ROBO2: variants seen among roughly 807,000 people sequenced by gnomAD.
The protein encoded by ROBO2 is roundabout homolog 2.
In ROBO2, 53 loss-of-function variants were observed where a neutral mutation model predicts 160.8. The observed-to-expected ratio is 0.33, with a 90% CI of 0.26 to 0.41. ROBO2 has a LOEUF of 0.41. Among genes scored for constraint, ROBO2 ranks in the 10% least tolerant of loss-of-function variants. The probability of loss-of-function intolerance (pLI) is 1.00; values close to 1 mark genes in which losing one functional copy is unlikely to be tolerated. For missense variants in ROBO2, 1,577 were observed against 1,722.4 expected (o/e 0.92, Z 1.49); for synonymous variants, 664 against 611.7 (o/e 1.09, Z -1.26).
intron 2 of ROBO2, among the ~76,000 whole-genome samples, chr3:76,915,090 AC>A (rs1289001002): frequency 6.6e-6 from 1 of 152,174 alleles, no homozygotes; most frequent in Admixed American, 6.5e-5. Context: ...CTTCTTTATA[AC>A]ATTTTCATAA....
chr3:76,030,799 G>C (rs569995736), intron 2 of ROBO2, among the ~76,000 whole-genome samples: 1 of 152,232 alleles, frequency 6.6e-6, no homozygotes, highest in African/African-American at 2.4e-5. Context: ...GTCAGGTAGC[G>C]TGATGCCTCC....
chr3:76,877,982 G>A (rs1227013613), intron 2 of ROBO2, among the ~76,000 whole-genome samples: 2 of 152,132 alleles, frequency 1.3e-5, no homozygotes, highest in Non-Finnish European at 2.9e-5. Context: ...AGGGCCACCA[G>A]ACCTATCAGA....
chr3:76,994,528 A>G (rs534717572), intron 2 of ROBO2, among the ~76,000 whole-genome samples: 1 of 152,300 alleles, frequency 6.6e-6, no homozygotes, highest in African/African-American at 2.4e-5. Context: ...TTGTCTTCTA[A>G]TTTTCTCTGA....
At chr3:77,020,801 T>C (rs1484810176) in intron 2 of ROBO2, among the ~76,000 whole-genome samples, 1 of 152,198 alleles carries the variant, frequency 6.6e-6, no homozygotes, top group Non-Finnish European at 1.5e-5. Flanking sequence ...TCTTGAATAG[T>C]AAGATATAGT....
chr3:76,676,365 G>A (rs913494487), intron 2 of ROBO2, among the ~76,000 whole-genome samples: 1 of 151,834 alleles, frequency 6.6e-6, no homozygotes, highest in African/African-American at 2.4e-5. Context: ...CTTCTGCTAT[G>A]ATAGTAAGTT....
chr3:76,103,907 G>A (rs946740543), intron 2 of ROBO2, among the ~76,000 whole-genome samples: 2 of 152,134 alleles, frequency 1.3e-5, no homozygotes, highest in East Asian at 1.9e-4. Flanking sequence ...CAGGACATAC[G>A]AGCCCCAGTG....
At chr3:77,607,834 C>A in exon 21 of ROBO2, 1 of 1,613,964 alleles carries the variant, frequency 6.2e-7, no homozygotes, top group Non-Finnish European at 8.5e-7. Context: ...AATAAAAACT[C>A]TTCTAAACCA....
chr3:76,369,597 A>C (rs879510837), intron 2 of ROBO2, among the ~76,000 whole-genome samples: 1 of 151,852 alleles, frequency 6.6e-6, no homozygotes, highest in Non-Finnish European at 1.5e-5. Context: ...CCTAACCTGG[A>C]TCGTTCTCTC....
chr3:75,925,513 G>A (rs1036258855), intron 1 of ROBO2, among the ~76,000 whole-genome samples: 9 of 152,152 alleles, frequency 5.9e-5, no homozygotes, highest in South Asian at 4.1e-4. Flanking sequence ...TGAATAACCT[G>A]ATACTCTTTC....
intron 2 of ROBO2, among the ~76,000 whole-genome samples, chr3:76,408,991 T>C (rs1442714987): frequency 1.3e-5 from 2 of 151,956 alleles, no homozygotes. Context: ...GTGTAGAAAA[T>C]TTTAGACTGG....
intron 2 of ROBO2, among the ~76,000 whole-genome samples, chr3:76,390,560 A>G (rs1488665122): frequency 1.3e-5 from 2 of 152,194 alleles, no homozygotes; most frequent in African/African-American, 4.8e-5. Context: ...TTAAAGTTTC[A>G]TTACTCTGAG....
intron 2 of ROBO2, among the ~76,000 whole-genome samples, chr3:77,115,224 A>T (rs1444284708): frequency 6.6e-6 from 1 of 152,192 alleles, no homozygotes; most frequent in Non-Finnish European, 1.5e-5. Context: ...AAAATAAAAT[A>T]TAAAAATACT....
intron 1 of ROBO2, among the ~76,000 whole-genome samples, chr3:77,056,705 AC>A (rs1425827064): frequency 6.6e-6 from 1 of 152,178 alleles, no homozygotes; most frequent in Non-Finnish European, 1.5e-5. Context: ...TAAGGCTGTA[AC>A]TTTTTTTCAA....
intron 2 of ROBO2, among the ~76,000 whole-genome samples, chr3:76,812,935 T>TTTTTTTTTTTG: frequency 6.9e-6 from 1 of 145,830 alleles, no homozygotes; most frequent in Non-Finnish European, 1.5e-5. Context: ...TTTTTTTTTT[T>TTTTTTTTTTTG]AGCAAATCTC....
rs2076072229 is a variant in ROBO2, at chr3:77,404,213, A to ATG, written c.389-73197_389-73196dup. ...AAAGCCTTATGGAATATAATATCTC[A>ATG]TGTGTAAGTTTATGTACACAGCCCC... On this transcript the variant is annotated intron_variant, in intron 2 of 25. Coordinates refer to ENST00000461745, the Ensembl canonical transcript of ROBO2. Among the ~76,000 whole-genome samples the ATG allele has an allele frequency of 2.0e-5, 3 of 152,280 alleles. No individual in the cohort carries two copies. The South Asian group carries it at 6.2e-4, about 32-fold the overall frequency.
At chr3:77,631,385 T>C (rs1303125467) in intron 23 of ROBO2, 1 of 152,176 alleles carries the variant, frequency 6.6e-6, no homozygotes, top group Non-Finnish European at 1.5e-5. Flanking sequence ...AAAAATTAAA[T>C]GGTCTATAGC....
chr3:77,125,393 G>A (rs1280764564), intron 2 of ROBO2, among the ~76,000 whole-genome samples: 1 of 152,130 alleles, frequency 6.6e-6, no homozygotes, highest in African/African-American at 2.4e-5. Flanking sequence ...ATCTGTAGGT[G>A]TTTGTTTTGT....
intron 2 of ROBO2, among the ~76,000 whole-genome samples, chr3:77,307,584 G>A (rs2063199627): frequency 6.6e-6 from 1 of 152,060 alleles, no homozygotes; most frequent in South Asian, 2.1e-4. Context: ...CAGGCTTTTT[G>A]AAAAAGCAGG....
At chr3:77,488,550 A>T (rs1008629810) in intron 4 of ROBO2, among the ~76,000 whole-genome samples, 1 of 152,222 alleles carries the variant, frequency 6.6e-6, no homozygotes, top group South Asian at 2.1e-4. Flanking sequence ...AATTGTACAG[A>T]GCTCTAATTG....
Sources: gnomAD v4.1 joint callset for allele counts (sites outside exome capture counted in the v4.1 genomes callset) on GRCh38, gnomAD v4.1.1 for gene constraint, MANE v1.5 for transcripts, NCBI Gene and HGNC (gene_info 2026-07-23, HGNC 2026-07-21) for gene names.